IKZF2: variants seen among roughly 807,000 people sequenced by gnomAD.
The protein encoded by IKZF2 is IKAROS family zinc finger 2.
In IKZF2, 15 loss-of-function variants were observed where a neutral mutation model predicts 49.2. That is an observed-to-expected ratio of 0.30 (90% CI 0.20 to 0.47). The LOEUF (loss-of-function observed/expected upper bound fraction) is 0.47. Among genes scored for constraint, IKZF2 ranks in the 20% least tolerant of loss-of-function variants. The pLI, the probability that IKZF2 is intolerant of heterozygous loss-of-function variation, is 1.00. For missense variants in IKZF2, 567 were observed against 664.6 expected (o/e 0.85, Z 1.61); for synonymous variants, 227 against 221.4 (o/e 1.03, Z -0.23).
intron 4 of IKZF2, among the ~76,000 whole-genome samples, chr2:213,129,362 T>G (rs1450454153): frequency 6.8e-6 from 1 of 148,082 alleles, no homozygotes; most frequent in Non-Finnish European, 1.5e-5. Flanking sequence ...GAGGCGACAG[T>G]TAAATGGAAA....
intron 6 of IKZF2, among the ~76,000 whole-genome samples, chr2:213,039,356 T>C (rs953326330): frequency 8.6e-5 from 13 of 152,044 alleles, no homozygotes; most frequent in African/African-American, 2.9e-4. Flanking sequence ...ATAGTCCATA[T>C]ATATATATAT....
At chr2:213,131,792 T>G (rs2060480986) in intron 4 of IKZF2, among the ~76,000 whole-genome samples, 1 of 152,178 alleles carries the variant, frequency 6.6e-6, no homozygotes. Context: ...TCAACACAGA[T>G]AGCATAACTG....
At chr2:213,108,800 T>C (rs1322863596) in intron 4 of IKZF2, among the ~76,000 whole-genome samples, 8 of 151,334 alleles carry the variant, frequency 5.3e-5, no homozygotes, top group Non-Finnish European at 1.0e-4. Flanking sequence ...TATATGCTTA[T>C]TGTAAAAAAA....
chr2:213,096,672 T>C (rs1453884351), intron 4 of IKZF2, among the ~76,000 whole-genome samples: 1 of 152,000 alleles, frequency 6.6e-6, no homozygotes, highest in Non-Finnish European at 1.5e-5. Flanking sequence ...TGTGGATAAA[T>C]CTGTCTGCAT....
At chr2:213,086,536 T>C (rs1052465292) in intron 4 of IKZF2, among the ~76,000 whole-genome samples, 3 of 151,958 alleles carry the variant, frequency 2.0e-5, no homozygotes, top group Non-Finnish European at 2.9e-5. Flanking sequence ...TTCAGGTGAG[T>C]ATGATTATTT....
At chr2:213,042,215 C>T (rs766054131) in intron 6 of IKZF2, among the ~76,000 whole-genome samples, 1 of 8,336 alleles carries the variant, frequency 1.2e-4, no homozygotes, top group Non-Finnish European at 2.7e-4. Flanking sequence ...TGTCATTTAT[C>T]ACTTAGCAGG....
chr2:213,098,712 A>C (rs1187420751), intron 4 of IKZF2, among the ~76,000 whole-genome samples: 1 of 152,172 alleles, frequency 6.6e-6, no homozygotes, highest in Admixed American at 6.6e-5. Context: ...GGTGATGGGC[A>C]GACAGTTTCC....
intron 2 of IKZF2, 21 bp downstream of exon 2, chr2:213,150,123 A>G: frequency 7.9e-7 from 1 of 1,265,104 alleles, no homozygotes. Flanking sequence ...AAAAGGAGAA[A>G]GAGAAACGAA....
In IKZF2 at chr2:213,104,351, T is replaced by A. The variant is rs551758599; in HGVS notation, c.139+43357A>T. ...GGCAAGGGGTTCTCAGCCCATTCCTTAACAAACTTGTTGCTAGTCCTGTCT... is the reference window on the plus strand; with the variant it reads ...GGCAAGGGGTTCTCAGCCCATTCCTAAACAAACTTGTTGCTAGTCCTGTCT... On this transcript the variant is annotated intron_variant, in intron 4 of 8. Transcript: ENST00000434687. 2.1e-3 allele frequency among the ~76,000 whole-genome samples: 325 copies of A among 152,206 alleles called. 1 individual carries two copies. Among genetic ancestry groups the A allele is most frequent in the African/African-American group, 7.5e-3 (310 of 41,542 alleles).
intron 4 of IKZF2, among the ~76,000 whole-genome samples, chr2:213,113,283 T>C (rs2059771931): frequency 6.6e-6 from 1 of 152,092 alleles, no homozygotes; most frequent in Non-Finnish European, 1.5e-5. Flanking sequence ...AGATCTATAA[T>C]GGTACAACTC....
Position 213,150,663 on chromosome 2 carries a change from A to C in IKZF2, c.-119-416T>G, listed in dbSNP as rs560728670. ...AAAAACTTGATCCACCGGTTCCTTA[A>C]GAATCGACCAAAAGCTAAGACAAGA... On this transcript the variant is annotated intron_variant, in intron 1 of 8. Transcript: ENST00000434687. 1.8e-3 allele frequency among the ~76,000 whole-genome samples: 245 copies of C among 136,306 alleles called. 1 individual carries two copies. The highest frequency in any genetic ancestry group is 6.4e-3 in the African/African-American group (236 of 36,772). 89.4% of individuals were successfully genotyped at this position (136,306 alleles called of 152,430 possible).
chr2:213,088,727 C>T (rs1406225479), intron 4 of IKZF2, among the ~76,000 whole-genome samples: 2 of 152,098 alleles, frequency 1.3e-5, no homozygotes, highest in Non-Finnish European at 2.9e-5. Flanking sequence ...CACTGCACTC[C>T]AGTCTGGGCA....
At chr2:213,069,617 A>G (rs1702494725) in intron 4 of IKZF2, among the ~76,000 whole-genome samples, 1 of 152,058 alleles carries the variant, frequency 6.6e-6, no homozygotes, top group African/African-American at 2.4e-5. Context: ...ACAACTTCTC[A>G]CTGCTTTAAA....
rs1212030224 is a variant in IKZF2 at position 213,087,189 on chromosome 2, G to C, written c.140-30090C>G. On this transcript the variant is annotated intron_variant, in intron 4 of 8. Transcript: ENST00000434687. ...TAGTAAAATTGACCCAAGCAGAGCA[G>C]AGGAAAAAAAATGCTAATTTAAACA... Among the ~76,000 whole-genome samples the C allele has an allele frequency of 2.0e-5, 3 of 151,970 alleles. No individual in the cohort carries two copies. The South Asian group carries it at 6.2e-4, about 32-fold the overall frequency.
chr2:213,125,796 T>C (rs899584955), intron 4 of IKZF2, among the ~76,000 whole-genome samples: 2 of 152,036 alleles, frequency 1.3e-5, no homozygotes, highest in Non-Finnish European at 1.5e-5. Context: ...AAAGGTATTA[T>C]ATGCACCCAA....
intron 4 of IKZF2, among the ~76,000 whole-genome samples, chr2:213,135,064 G>A (rs1320666566): frequency 6.6e-6 from 1 of 152,048 alleles, no homozygotes; most frequent in Non-Finnish European, 1.5e-5. Flanking sequence ...TACCAGAATT[G>A]TCTTGCTAAA....
At chr2:213,016,751 C>T (rs1195748484) in intron 7 of IKZF2, among the ~76,000 whole-genome samples, 2 of 152,048 alleles carry the variant, frequency 1.3e-5, no homozygotes, top group Non-Finnish European at 2.9e-5. Flanking sequence ...ACGTTGATAA[C>T]CATAACGGCA....
intron 4 of IKZF2, among the ~76,000 whole-genome samples, chr2:213,109,366 G>A (rs2059629807): frequency 6.6e-6 from 1 of 151,846 alleles, no homozygotes; most frequent in South Asian, 2.1e-4. Context: ...GCAATTTTAG[G>A]GCTACATATC....
chr2:213,043,134 T>C lies in IKZF2; in HGVS notation c.574+6579A>G, dbSNP rs1699825177. On this transcript the variant is annotated intron_variant, in intron 6 of 8. Coordinates refer to ENST00000434687, the MANE Select transcript of IKZF2 (RefSeq NM_001387220.1). ...TCCTCTAGAGGACAAGAAGAGTTCC[T>C]AAGCAGAAAAATACCACCTTGTACA... is the stretch of plus-strand genomic sequence containing the variant. Among the ~76,000 whole-genome samples the C allele has an allele frequency of 1.3e-5, 2 of 151,738 alleles. 1 individual carries two copies. The highest frequency in any genetic ancestry group is 4.2e-4 in the South Asian group (2 of 4,810).
Sources: gnomAD v4.1 joint callset for allele counts (sites outside exome capture counted in the v4.1 genomes callset) on GRCh38, gnomAD v4.1.1 for gene constraint, MANE v1.5 for transcripts, NCBI Gene and HGNC (gene_info 2026-07-23, HGNC 2026-07-21) for gene names.